CCSER1: variants seen among roughly 807,000 people sequenced by gnomAD.
CCSER1 encodes the protein coiled-coil serine rich protein 1.
In CCSER1, 41 loss-of-function variants were observed where a neutral mutation model predicts 82.0. The ratio of observed to expected loss-of-function variants is 0.50; its 90% CI spans 0.39 to 0.65. The LOEUF (loss-of-function observed/expected upper bound fraction) is 0.65, where lower values mean the gene tolerates loss of function less well. Among genes scored for constraint, CCSER1 ranks in the 30% least tolerant of loss-of-function variants. The probability of loss-of-function intolerance (pLI) is 0.00; values close to 1 mark genes in which losing one functional copy is unlikely to be tolerated. For missense variants in CCSER1, 1,119 were observed against 1,064.2 expected, an observed-to-expected ratio of 1.05 and a Z score of -0.72; for synonymous variants, 414 against 383.9, an observed-to-expected ratio of 1.08 and a Z score of -0.92.
intron 10 of CCSER1, among the ~76,000 whole-genome samples, chr4:91,484,623 T>A (rs1001473789): frequency 5.9e-5 from 9 of 152,184 alleles, no homozygotes; most frequent in Non-Finnish European, 1.0e-4. Context: ...AATTTATGAA[T>A]TCATACTATC....
chr4:90,246,220 G>A (rs1169916816), intron 1 of CCSER1, among the ~76,000 whole-genome samples: 1 of 152,050 alleles, frequency 6.6e-6, no homozygotes, highest in Non-Finnish European at 1.5e-5. Flanking sequence ...GTGTGTGTGT[G>A]TATTCCTCAT....
At chr4:90,165,072 T>G (rs960781843) in intron 1 of CCSER1, among the ~76,000 whole-genome samples, 2 of 152,102 alleles carry the variant, frequency 1.3e-5, no homozygotes, top group Non-Finnish European at 2.9e-5. Context: ...CCTAAACTCT[T>G]AAGGCTGAAC....
chr4:90,264,104 G>A (rs1042534806), intron 1 of CCSER1, among the ~76,000 whole-genome samples: 4 of 152,150 alleles, frequency 2.6e-5, no homozygotes, highest in East Asian at 1.9e-4. Context: ...AAAATACACC[G>A]TGGGCTTGAT....
chr4:90,329,205 A>G (rs1738822433), intron 3 of CCSER1, among the ~76,000 whole-genome samples: 1 of 152,182 alleles, frequency 6.6e-6, no homozygotes, highest in Non-Finnish European at 1.5e-5. Flanking sequence ...ATTTTATTTT[A>G]ATCAAGTACA....
At chr4:90,277,082 T>A (rs1727968829) in intron 1 of CCSER1, among the ~76,000 whole-genome samples, 1 of 152,130 alleles carries the variant, frequency 6.6e-6, no homozygotes, top group South Asian at 2.1e-4. Context: ...GCCTTTTTTT[T>A]TTCTCTTGCC....
chr4:90,748,868 A>T (rs1345941049), intron 7 of CCSER1, among the ~76,000 whole-genome samples: 1 of 149,198 alleles, frequency 6.7e-6, no homozygotes. Context: ...TCCTTTGCCC[A>T]CTTTTTTATG....
At chr4:91,189,366 G>A (rs1734826283) in intron 10 of CCSER1, among the ~76,000 whole-genome samples, 1 of 151,984 alleles carries the variant, frequency 6.6e-6, no homozygotes, top group South Asian at 2.1e-4. Flanking sequence ...TTTTGATGCT[G>A]GTGTATTCAT....
chr4:91,246,315 T>C (rs1195836896), intron 10 of CCSER1, among the ~76,000 whole-genome samples: 1 of 152,130 alleles, frequency 6.6e-6, no homozygotes, highest in Non-Finnish European at 1.5e-5. Flanking sequence ...TAATGGGTTA[T>C]AAGGAGGTAT....
chr4:90,647,264 C>T (rs528070086), intron 6 of CCSER1, among the ~76,000 whole-genome samples: 3 of 152,210 alleles, frequency 2.0e-5, no homozygotes, highest in Non-Finnish European at 2.9e-5. Context: ...CTGCCACAAG[C>T]GCTGTGGTAT....
chr4:91,089,428 G>A (rs1488834290), intron 10 of CCSER1, among the ~76,000 whole-genome samples: 5 of 152,220 alleles, frequency 3.3e-5, no homozygotes, highest in Non-Finnish European at 7.3e-5. Flanking sequence ...TCTTCTTAAA[G>A]CAGGTACTGA....
chr4:90,282,345 G>C (rs1225347803), intron 1 of CCSER1, among the ~76,000 whole-genome samples: 3 of 151,450 alleles, frequency 2.0e-5, no homozygotes, highest in Non-Finnish European at 4.4e-5. Flanking sequence ...ACTGTTTGGC[G>C]TATCCATATT....
At chr4:91,124,969 T>A (rs1026631240) in intron 10 of CCSER1, among the ~76,000 whole-genome samples, 9 of 151,828 alleles carry the variant, frequency 5.9e-5, no homozygotes, top group African/African-American at 1.9e-4. Context: ...CCCTACATGT[T>A]ACTTGTGTAA....
intron 10 of CCSER1, among the ~76,000 whole-genome samples, chr4:91,583,447 CA>C (rs1763830505): frequency 6.6e-6 from 1 of 151,308 alleles, no homozygotes; most frequent in Non-Finnish European, 1.5e-5. Flanking sequence ...TGTCTTCATT[CA>C]AGGGTTGTTT....
At chr4:90,527,421 C>T (rs928680988) in intron 5 of CCSER1, among the ~76,000 whole-genome samples, 4 of 151,942 alleles carry the variant, frequency 2.6e-5, no homozygotes, top group Admixed American at 1.3e-4. Context: ...GTTAGAATAG[C>T]GATCAAAAGG....
chr4:91,333,894 T>C (rs1385563262), intron 10 of CCSER1, among the ~76,000 whole-genome samples: 1 of 152,030 alleles, frequency 6.6e-6, no homozygotes, highest in East Asian at 1.9e-4. Flanking sequence ...GTCAGTGTAA[T>C]TCTTACATTC....
intron 5 of CCSER1, among the ~76,000 whole-genome samples, chr4:90,574,354 C>A (rs551094286): frequency 1.4e-5 from 2 of 146,500 alleles, no homozygotes; most frequent in Admixed American, 1.4e-4. Flanking sequence ...CTGCAAGCTC[C>A]GCTTCCCGGG....
intron 9 of CCSER1, among the ~76,000 whole-genome samples, chr4:91,037,523 A>G (rs1461602): frequency 0.015 from 2,331 of 152,138 alleles, 70 homozygotes; most frequent in African/African-American, 0.053. Context: ...TTCCACTTTA[A>G]CCTTTGTTTT....
chr4:91,414,079 C>T (rs1447517603), intron 10 of CCSER1, among the ~76,000 whole-genome samples: 1 of 152,032 alleles, frequency 6.6e-6, no homozygotes, highest in African/African-American at 2.4e-5. Context: ...TGCTAAGTAA[C>T]AATGTGAACA....
chr4:90,391,504 AATATATAT>A (rs70963065), intron 3 of CCSER1, among the ~76,000 whole-genome samples: 8 of 79,422 alleles, frequency 1.0e-4, no homozygotes, highest in African/African-American at 1.9e-4. Flanking sequence ...ACAGTGGGTA[AATATATAT>A]ATATATATAT....
Sources: allele counts gnomAD v4.1 joint callset (sites outside exome capture counted in the v4.1 genomes callset), GRCh38; gene constraint gnomAD v4.1.1; transcripts MANE v1.5; gene names NCBI Gene and HGNC (gene_info 2026-07-23, HGNC 2026-07-21).